Variants in CCND2 observed in about 807,000 individuals in gnomAD.
CCND2 encodes the protein cyclin D2, also known as G1/S-specific cyclin-D2.
A neutral mutation model predicts 30.2 loss-of-function variants in CCND2; 6 were observed. The ratio of observed to expected loss-of-function variants is 0.20; its 90% CI spans 0.11 to 0.39. CCND2 has a LOEUF of 0.39. Ranked by LOEUF, CCND2 falls within the 10% of genes least tolerant of loss-of-function variation. The probability of loss-of-function intolerance (pLI) is 1.00; values close to 1 mark genes in which losing one functional copy is unlikely to be tolerated. For missense variants in CCND2, 235 were observed against 373.4 expected, an observed-to-expected ratio of 0.63 and a Z score of 3.06; for synonymous variants, 150 against 153.1, an observed-to-expected ratio of 0.98 and a Z score of 0.15.
chr12:4,295,636 G>A (rs1317324209), intron 4 of CCND2, among the ~76,000 whole-genome samples: 1 of 152,110 alleles, frequency 6.6e-6, no homozygotes, highest in African/African-American at 2.4e-5. Flanking sequence ...AATCAGCTGG[G>A]GGTGATGGCG....
intron 3 of CCND2, among the ~76,000 whole-genome samples, chr12:4,283,359 T>TC (rs1232866513): frequency 4.6e-5 from 7 of 152,136 alleles, no homozygotes; most frequent in Non-Finnish European, 8.8e-5. Context: ...TTCTCCCACT[T>TC]CCGACGTGAA....
chr12:4,299,774 C>T lies in CCND2; in HGVS notation c.721-86C>T. ...TACTGGAAACTAGCACAGACTTATG[C>T]AAGCTAAATTACGCATGTTTTCTCC... On this transcript the variant is annotated intron_variant, in intron 4 of 4. Coordinates refer to ENST00000261254, the MANE Select transcript of CCND2 (RefSeq NM_001759.4). The surrounding 1 kb of genome is among the most constrained non-coding windows in gnomAD (Gnocchi z 5.2). The T allele has an allele frequency of 7.6e-7, 1 of 1,312,022 alleles. No homozygotes were observed. Among genetic ancestry groups the T allele is most frequent in the Admixed American group, 1.9e-5 (1 of 51,316 alleles). 81.3% of individuals were successfully genotyped at this position (1,312,022 alleles called of 1,614,324 possible).
rs557476567 is a variant in CCND2 at position 4,297,162 on chromosome 12, C to A, written c.721-2698C>A. ...ATTCCACAGCAGTTCTGACCGTTGT[C>A]ACTTTGTGCCTTAACCCCCACATTC... On this transcript the variant is annotated intron_variant, in intron 4 of 4. Transcript: ENST00000261254. Among the ~76,000 whole-genome samples the A allele has an allele frequency of 6.2e-4, 21 of 34,004 alleles. 1 individual carries two copies. The South Asian group carries it at 0.037, about 60-fold the overall frequency. 22.3% of individuals were successfully genotyped at this position (34,004 alleles called of 152,430 possible). A position where few individuals can be genotyped will look rare whatever the true frequency, so the allele number is the denominator to read the frequency against.
At chr12:4,294,853 T>G (rs1378163625) in intron 4 of CCND2, among the ~76,000 whole-genome samples, 3 of 152,218 alleles carry the variant, frequency 2.0e-5, no homozygotes, top group African/African-American at 7.2e-5. Context: ...ACTCCACTCT[T>G]CTCTCAGCTT....
chr12:4,304,385 ACC>A lies in CCND2; in HGVS notation c.*4378_*4379del, dbSNP rs1424244138. The A allele has an allele frequency of 8.6e-6, 2 of 233,516 alleles. No homozygotes were observed. The highest frequency in any genetic ancestry group is 1.2e-4 in the East Asian group (2 of 16,596). The allele number at this position is 233,516 out of a possible 1,614,324, so 14.5% of individuals were successfully genotyped here. On this transcript the variant is annotated 3_prime_UTR_variant, in exon 5 of 5. Coordinates refer to ENST00000261254, the MANE Select transcript of CCND2 (RefSeq NM_001759.4). This position sits in a 1 kb window ranked among gnomAD's most constrained non-coding sequence, Gnocchi z 6.2. ...TGATAAAGTCCCCTTAAGCCAACAA[ACC>A]CTCTGTAGCTATAGAATGAGTGCAG...
At chr12:4,297,593 A>AG (rs1370950456) in intron 4 of CCND2, among the ~76,000 whole-genome samples, 1 of 150,886 alleles carries the variant, frequency 6.6e-6, no homozygotes, top group African/African-American at 2.5e-5. Context: ...AAAAAAAAAA[A>AG]AAAACAGAAA....
chr12:4,289,384 A>G (rs748243051), intron 4 of CCND2, among the ~76,000 whole-genome samples: 7 of 152,272 alleles, frequency 4.6e-5, no homozygotes, highest in South Asian at 2.1e-4. Context: ...CGCACAGAGG[A>G]GAAAGGAGAG....
intron 4 of CCND2, among the ~76,000 whole-genome samples, chr12:4,296,006 C>A (rs1052422954): frequency 2.0e-5 from 3 of 152,248 alleles, no homozygotes; most frequent in Admixed American, 6.5e-5. Context: ...GACAGCCAGA[C>A]ATCCCAGTCC....
At chr12:4,292,650 G>A (rs959288571) in intron 4 of CCND2, among the ~76,000 whole-genome samples, 3 of 152,170 alleles carry the variant, frequency 2.0e-5, no homozygotes, top group South Asian at 2.1e-4. Context: ...TGAGTGAGGG[G>A]CCTGACAGTT....
At chr12:4,280,702 C>A (rs1863937032) in intron 3 of CCND2, among the ~76,000 whole-genome samples, 1 of 152,124 alleles carries the variant, frequency 6.6e-6, no homozygotes, top group African/African-American at 2.4e-5. Flanking sequence ...GAGGGGTCAG[C>A]CAGTTCTTTC....
In CCND2 at chr12:4,278,975, C is replaced by T. The variant is rs1863911525; in HGVS notation, c.571+56C>T. On this transcript the variant is annotated intron_variant, in intron 3 of 4. Coordinates refer to ENST00000261254, the MANE Select transcript of CCND2 (RefSeq NM_001759.4). ...TGGGGGAGCTCTTTTGGGAGATGTC[C>T]GGGGAGAGGCAAAAGGCCGTAGGAA... The T allele has an allele frequency of 7.8e-6, 12 of 1,543,504 alleles. No homozygotes were observed. In the East Asian group the frequency reaches 1.6e-4, roughly 21 times the overall value.
intron 2 of CCND2, 194 bp from the exon 3 acceptor site, chr12:4,278,566 T>C (rs1179461691): frequency 6.3e-6 from 3 of 477,442 alleles, no homozygotes; most frequent in East Asian, 6.5e-5. Flanking sequence ...AGCCTGACAT[T>C]TGAAGCATAA....
At chr12:4,290,613 CT>C (rs1864087214) in intron 4 of CCND2, among the ~76,000 whole-genome samples, 4 of 140,988 alleles carry the variant, frequency 2.8e-5, no homozygotes, top group African/African-American at 1.1e-4. Flanking sequence ...GCATTGTAAC[CT>C]TTTCCCCCGA....
chr12:4,275,321 T>G (rs1863853440), intron 1 of CCND2: 1 of 152,228 alleles, frequency 6.6e-6, no homozygotes, highest in Non-Finnish European at 1.5e-5. Flanking sequence ...AACCTCTGTT[T>G]CGGGAAGCCT....
chr12:4,288,183 C>G lies in CCND2; in HGVS notation c.572-659C>G, dbSNP rs147072748. 3.1e-4 allele frequency among the ~76,000 whole-genome samples: 47 copies of G among 152,126 alleles called. No individual in the cohort carries two copies. In the East Asian group the frequency reaches 8.9e-3, roughly 29 times the overall value. On this transcript the variant is annotated intron_variant, in intron 3 of 4. Transcript: ENST00000261254. ...TGGGAACTGGGTGGAACTCAGCCCC[C>G]ACTCGCCCACTCCCTGCATTGCTGC...
At chr12:4,288,234 A>C in intron 3 of CCND2, among the ~76,000 whole-genome samples, 1 of 106,670 alleles carries the variant, frequency 9.4e-6, no homozygotes. Flanking sequence ...TTTTAGATCA[A>C]ACCTTTTTTT....
chr12:4,284,835 A>G (rs1864000998), intron 3 of CCND2, among the ~76,000 whole-genome samples: 1 of 149,826 alleles, frequency 6.7e-6, no homozygotes, highest in Non-Finnish European at 1.5e-5. Context: ...TCCCGGGTTC[A>G]AGTGATTCTC....
intron 3 of CCND2, among the ~76,000 whole-genome samples, chr12:4,283,071 G>A (rs1258730051): frequency 1.3e-5 from 2 of 152,224 alleles, no homozygotes; most frequent in Admixed American, 1.3e-4. Flanking sequence ...AAAATGATGG[G>A]TGCTAAATGT....
chr12:4,276,593 C>T lies in CCND2; in HGVS notation c.411+373C>T, dbSNP rs1863877624. On this transcript the variant is annotated intron_variant, in intron 2 of 4. Coordinates refer to ENST00000261254, the MANE Select transcript of CCND2 (RefSeq NM_001759.4). The surrounding 1 kb of genome is among the most constrained non-coding windows in gnomAD (Gnocchi z 4.8). ...CAAATTTCCAAAAATAGTCTGAGAA[C>T]GTGTTCACATGATAGGTATGTGGCT... 1.3e-5 allele frequency among the ~76,000 whole-genome samples: 2 copies of T among 152,294 alleles called. No homozygotes were observed. Among genetic ancestry groups the T allele is most frequent in the Middle Eastern group, 6.8e-3 (2 of 294 alleles).
Sources: allele counts gnomAD v4.1 joint callset (sites outside exome capture counted in the v4.1 genomes callset), GRCh38; gene constraint gnomAD v4.1.1; non-coding constraint Gnocchi (gnomAD v3.1); transcripts MANE v1.5; gene names NCBI Gene and HGNC (gene_info 2026-07-23, HGNC 2026-07-21).